PRAMEF19: variants seen among roughly 807,000 people sequenced by gnomAD.
The protein encoded by PRAMEF19 is PRAME family member 19.
Under a neutral mutation model 33.1 loss-of-function variants are expected in PRAMEF19, and 21 were observed. That is an observed-to-expected ratio of 0.63 (90% CI 0.45 to 0.91). The LOEUF (loss-of-function observed/expected upper bound fraction) is 0.91. Among genes scored for constraint, PRAMEF19 ranks in the 40% least tolerant of loss-of-function variants. The pLI is 0.00. For synonymous variants in PRAMEF19, 179 were observed against 229.3 expected, an observed-to-expected ratio of 0.78 and a Z score of 1.98; for missense variants, 481 against 585.2, an observed-to-expected ratio of 0.82 and a Z score of 1.84.
At chr1:13,371,621 G>A (rs1640673825) in exon 1 of PRAMEF19, 32 of 1,610,720 alleles carry the variant, frequency 2.0e-5, no homozygotes, top group Middle Eastern at 2.2e-4. Flanking sequence ...CACCTGGGGC[G>A]AACCTTTTGG....
exon 3 of PRAMEF19, chr1:13,369,574 T>C: frequency 6.2e-7 from 1 of 1,613,890 alleles, no homozygotes; most frequent in East Asian, 2.2e-5. Flanking sequence ...AGGGCAGACA[T>C]TTCAAGTCCT....
At chr1:13,370,503 A>G in intron 2 of PRAMEF19, 146 bp downstream of exon 2, 3 of 1,069,484 alleles carry the variant, frequency 2.8e-6, no homozygotes, top group Non-Finnish European at 4.1e-6. Flanking sequence ...TTCAGGATAT[A>G]GAGCACCAAA....
chr1:13,369,055 A>G, downstream of PRAMEF19: 1 of 1,611,930 alleles, frequency 6.2e-7, no homozygotes, highest in Non-Finnish European at 8.5e-7. Flanking sequence ...AGCTTTTTAT[A>G]CCTCCACCCC....
chr1:13,371,938 A>C, upstream of PRAMEF19: 1 of 1,611,812 alleles, frequency 6.2e-7, no homozygotes, highest in Non-Finnish European at 8.5e-7. Context: ...AGAAAAGACA[A>C]ACTTATCAGG....
chr1:13,370,612 C>G lies in PRAMEF19; in HGVS notation c.866+37G>C, dbSNP rs1640658000. On this transcript the variant is annotated intron_variant, in intron 2 of 2. Transcript: ENST00000376101. ...TTTACTGTAACAAAAAAAGGCTGTG[C>G]TGTGTCCCCCAGAGAAAGCTCACCA... The G allele has an allele frequency of 1.9e-5, 30 of 1,612,654 alleles. No individual in the cohort carries two copies. In the South Asian group the frequency reaches 3.2e-4, roughly 17 times the overall value.
intron 2 of PRAMEF19, 133 bp downstream of exon 2, chr1:13,370,516 G>C: frequency 8.3e-7 from 1 of 1,206,484 alleles, no homozygotes; most frequent in Non-Finnish European, 1.2e-6. Context: ...GCACCAAACA[G>C]GACAATGCAT....
rs2100383083 is a variant in PRAMEF19, at chr1:13,370,597, C to CA, written c.866+51dup. 6.2e-6 allele frequency: 10 copies of CA among 1,610,208 alleles called. No individual in the cohort carries two copies. In the East Asian group the frequency reaches 1.1e-4, roughly 18 times the overall value. ...AGATGCTGACTAGTGTTTACTGTAA[C>CA]AAAAAAAGGCTGTGCTGTGTCCCCC... On this transcript the variant is annotated intron_variant, in intron 2 of 2. Transcript: ENST00000376101.
In PRAMEF19 at chr1:13,369,771, G is replaced by A. The variant is rs887798603; in HGVS notation, c.867-131C>T. 259 of 1,245,164 alleles carry A rather than the reference G, an allele frequency of 2.1e-4. No homozygotes were observed. In the African/African-American group the frequency reaches 2.2e-3, roughly 11 times the overall value. The allele number at this position is 1,245,164 out of a possible 1,614,324, so 77.1% of individuals were successfully genotyped here. A position where few individuals can be genotyped will look rare whatever the true frequency, so the allele number is the denominator to read the frequency against. Reference sequence around the variant, plus strand: ...CTCATCATCTAATCATGGTCCTCCCGCAAGGTGCTGCCTGATGAGGACTTG... The same window carrying A: ...CTCATCATCTAATCATGGTCCTCCCACAAGGTGCTGCCTGATGAGGACTTG... On this transcript the variant is annotated intron_variant, in intron 2 of 2. Coordinates refer to ENST00000376101, the Ensembl canonical transcript of PRAMEF19.
chr1:13,369,582 C>T, exon 3 of PRAMEF19: 1 of 1,613,954 alleles, frequency 6.2e-7, no homozygotes, highest in Admixed American at 1.7e-5. Flanking sequence ...CATTTCAAGT[C>T]CTCTTCATCT....
intron 2 of PRAMEF19, 124 bp downstream of exon 2, chr1:13,370,525 A>T: frequency 1.5e-6 from 2 of 1,293,628 alleles, no homozygotes; most frequent in South Asian, 1.3e-5. Context: ...AGGACAATGC[A>T]TTCTAGTATC....
At chr1:13,369,334 C>A in exon 3 of PRAMEF19, 1 of 1,612,088 alleles carries the variant, frequency 6.2e-7, no homozygotes, top group Admixed American at 1.7e-5. Context: ...TCAGACCATC[C>A]ATGGACGTGT....
chr1:13,369,573 A>G (rs1485278374), exon 3 of PRAMEF19: 3 of 1,613,820 alleles, frequency 1.9e-6, no homozygotes, highest in African/African-American at 2.7e-5. Context: ...CAGGGCAGAC[A>G]TTTCAAGTCC....
At chr1:13,370,716 C>G in exon 2 of PRAMEF19, 2 of 1,613,982 alleles carry the variant, frequency 1.2e-6, no homozygotes, top group South Asian at 2.2e-5. Context: ...TGGAGGTACT[C>G]CAGCCTGAGG....
At chr1:13,370,924 G>A in exon 2 of PRAMEF19, 1 of 1,613,804 alleles carries the variant, frequency 6.2e-7, no homozygotes, top group East Asian at 2.2e-5. Context: ...TTTCTAATAT[G>A]TTTCTGAAAT....
exon 3 of PRAMEF19, chr1:13,369,068 T>C: frequency 3.1e-6 from 5 of 1,612,016 alleles, no homozygotes; most frequent in East Asian, 2.2e-5. Context: ...TCCACCCCAC[T>C]AGGCAGGCCT....
At chr1:13,369,546 G>C in exon 3 of PRAMEF19, 1 of 1,613,928 alleles carries the variant, frequency 6.2e-7, no homozygotes, top group Non-Finnish European at 8.5e-7. Flanking sequence ...TGCTTCAGTT[G>C]ACTGAGACTT....
exon 1 of PRAMEF19, chr1:13,371,793 G>A: frequency 6.2e-7 from 1 of 1,611,690 alleles, no homozygotes; most frequent in Non-Finnish European, 8.5e-7. Context: ...ACAGTCGGGG[G>A]AAGAGCTCCC....
chr1:13,370,686 T>C (rs1182056382), exon 2 of PRAMEF19: 82,103 of 1,609,516 alleles, frequency 0.051, 3,426 homozygotes, highest in East Asian at 0.25. Flanking sequence ...AAGAAGCGGA[T>C]CCTTCTCATA....
chr1:13,368,878 C>T (rs2100379093), downstream of PRAMEF19, among the ~76,000 whole-genome samples: 1 of 152,262 alleles, frequency 6.6e-6, no homozygotes, highest in East Asian at 1.9e-4. Flanking sequence ...TCTTGGGAGG[C>T]CAAGCAGGGG....
Sources: gnomAD v4.1 joint callset for allele counts (sites outside exome capture counted in the v4.1 genomes callset) on GRCh38, gnomAD v4.1.1 for gene constraint, MANE v1.5 for transcripts, NCBI Gene and HGNC (gene_info 2026-07-23, HGNC 2026-07-21) for gene names.